Variants in TMEM266 observed in about 807,000 individuals in gnomAD.
The protein encoded by TMEM266 is transmembrane protein 266.
Under a neutral mutation model 50.5 loss-of-function variants are expected in TMEM266, and 33 were observed. That is an observed-to-expected ratio of 0.65 (90% CI 0.50 to 0.87). TMEM266 has a LOEUF of 0.87. Ranked by LOEUF, TMEM266 falls within the 40% of genes least tolerant of loss-of-function variation. TMEM266 has a pLI of 0.00. For missense variants in TMEM266, 655 were observed against 695.1 expected (o/e 0.94, Z 0.65); for synonymous variants, 310 against 292.3 (o/e 1.06, Z -0.62).
intron 7 of TMEM266, among the ~76,000 whole-genome samples, chr15:76,171,401 G>C (rs916194480): frequency 1.3e-4 from 20 of 152,278 alleles, no homozygotes; most frequent in African/African-American, 4.6e-4. Flanking sequence ...TGTGAGCCTG[G>C]GGGGGCCAGC....
chr15:76,183,185 G>A (rs964369586), intron 8 of TMEM266, among the ~76,000 whole-genome samples: 12 of 130,236 alleles, frequency 9.2e-5, no homozygotes, highest in South Asian at 2.6e-4. Context: ...ACATGATCTC[G>A]GCTCACTGCA....
intron 1 of TMEM266, among the ~76,000 whole-genome samples, chr15:76,082,333 T>G (rs2036707393): frequency 6.6e-6 from 1 of 152,206 alleles, no homozygotes; most frequent in African/African-American, 2.4e-5. Flanking sequence ...TGCATGACAC[T>G]GGTATCTGCT....
At chr15:76,104,743 G>C (rs2037056401) in intron 1 of TMEM266, among the ~76,000 whole-genome samples, 1 of 152,192 alleles carries the variant, frequency 6.6e-6, no homozygotes, top group Non-Finnish European at 1.5e-5. Flanking sequence ...GGATGTGTGA[G>C]GAGAGGGGAG....
intron 1 of TMEM266, among the ~76,000 whole-genome samples, chr15:76,109,579 T>C (rs1032962962): frequency 1.3e-5 from 2 of 152,226 alleles, no homozygotes; most frequent in Admixed American, 6.5e-5. Flanking sequence ...GGAGGATCGC[T>C]TGAGCCCAGG....
intron 1 of TMEM266, among the ~76,000 whole-genome samples, chr15:76,099,596 G>A (rs1023958684): frequency 2.0e-5 from 3 of 152,150 alleles, no homozygotes; most frequent in Non-Finnish European, 2.9e-5. Flanking sequence ...GTGAAGAGGC[G>A]AAGTAGCCTG....
chr15:76,093,115 T>TTTTA (rs956645976), intron 1 of TMEM266, among the ~76,000 whole-genome samples: 17 of 151,754 alleles, frequency 1.1e-4, no homozygotes, highest in South Asian at 2.1e-4. Context: ...CAGGTGCTAT[T>TTTTA]TTTATTTATT....
intron 9 of TMEM266, among the ~76,000 whole-genome samples, chr15:76,193,763 C>T (rs1455516236): frequency 6.6e-6 from 1 of 152,238 alleles, no homozygotes; most frequent in Non-Finnish European, 1.5e-5. Context: ...TCCCCTGCCC[C>T]TGCCTCCCCA....
chr15:76,130,495 G>A (rs1174383552), intron 1 of TMEM266, among the ~76,000 whole-genome samples: 4 of 152,334 alleles, frequency 2.6e-5, no homozygotes, highest in South Asian at 2.1e-4. Flanking sequence ...AGCCAAGATC[G>A]CGCCAGCGCA....
intron 8 of TMEM266, among the ~76,000 whole-genome samples, chr15:76,187,469 A>T (rs2038504374): frequency 6.6e-6 from 1 of 152,190 alleles, no homozygotes; most frequent in African/African-American, 2.4e-5. Context: ...CCCCCAGCAG[A>T]GCTTGGGAGG....
chr15:76,149,570 T>C (rs966581806), intron 3 of TMEM266, among the ~76,000 whole-genome samples: 1 of 152,244 alleles, frequency 6.6e-6, no homozygotes, highest in African/African-American at 2.4e-5. Flanking sequence ...TTTTTAATAT[T>C]TTTAAATTTC....
intron 1 of TMEM266, among the ~76,000 whole-genome samples, chr15:76,069,379 C>G (rs1434869462): frequency 2.0e-5 from 3 of 152,096 alleles, no homozygotes; most frequent in Admixed American, 1.3e-4. Context: ...TTGCTCTTCT[C>G]TTTGGTTGAG....
intron 9 of TMEM266, among the ~76,000 whole-genome samples, chr15:76,199,316 A>T (rs888459121): frequency 6.6e-6 from 1 of 152,186 alleles, no homozygotes; most frequent in African/African-American, 2.4e-5. Flanking sequence ...CTCAGGAGGG[A>T]TGTCTGGGCT....
chr15:76,159,415 T>C (rs2037979688), intron 4 of TMEM266, among the ~76,000 whole-genome samples: 1 of 152,150 alleles, frequency 6.6e-6, no homozygotes, highest in African/African-American at 2.4e-5. Context: ...GGCTGATGGC[T>C]GTCCTCACTC....
intron 3 of TMEM266, among the ~76,000 whole-genome samples, chr15:76,140,756 G>A (rs766079399): frequency 3.3e-4 from 50 of 151,872 alleles, no homozygotes; most frequent in Non-Finnish European, 5.7e-4. Context: ...AGACGGGGGC[G>A]GGGCATGCTA....
At chr15:76,110,282 C>T (rs550041222) in intron 1 of TMEM266, among the ~76,000 whole-genome samples, 2 of 152,110 alleles carry the variant, frequency 1.3e-5, no homozygotes, top group African/African-American at 2.4e-5. Flanking sequence ...GGATTACAGG[C>T]ATAAGCCACC....
chr15:76,142,140 G>C (rs1596130899), intron 3 of TMEM266, among the ~76,000 whole-genome samples: 1 of 152,216 alleles, frequency 6.6e-6, no homozygotes, highest in Admixed American at 6.5e-5. Flanking sequence ...TGTAATCCCA[G>C]CACTTTGGGA....
At position 76,204,106 on chromosome 15, in the gene TMEM266, C is replaced by A. The variant is rs375411507; in HGVS notation, c.1387C>A (p.Leu463Ile). The A allele has an allele frequency of 8.1e-6, 13 of 1,612,778 alleles. No homozygotes were observed. The highest frequency in any genetic ancestry group is 1.1e-5 in the Non-Finnish European group (13 of 1,179,658). ...CCAGAAGGCCTTGGACCCAGCCCCC[C>A]TCGCCCGGCCCAGCCCAGCGGGCTC... The change falls in exon 11 of 11, where the codon CTC (leucine) becomes ATC (isoleucine). Residue 463 changes from leucine (L) to isoleucine (I), a missense_variant. By Grantham distance (5) the Leu-to-Ile change is conservative (BLOSUM62 2). Transcript: ENST00000388942.
Position 76,203,792 on chromosome 15 carries a change from A to C in TMEM266, c.1073A>C (p.Asp358Ala), listed in dbSNP as rs766796985. Residue 358 changes from aspartate to alanine, a missense_variant, in exon 11 of 11, where the codon GAC (aspartate) becomes GCC (alanine). Transcript: ENST00000388942. Reference sequence around the variant, plus strand: ...TGTATGGTCACCACGGCCGCAATAGACATTCACCAGCCCAACATCTCCTCG... The same window carrying C: ...TGTATGGTCACCACGGCCGCAATAGCCATTCACCAGCCCAACATCTCCTCG... The C allele has an allele frequency of 4.3e-6, 7 of 1,613,984 alleles. No homozygotes were observed. The East Asian group carries it at 1.6e-4, about 36-fold the overall frequency.
At chr15:76,064,317 A>C (rs2036369351) in intron 1 of TMEM266, among the ~76,000 whole-genome samples, 1 of 152,160 alleles carries the variant, frequency 6.6e-6, no homozygotes, top group African/African-American at 2.4e-5. Context: ...CTGCCAAAGC[A>C]CTTACCCCAT....
Sources: gnomAD v4.1 joint callset for allele counts (sites outside exome capture counted in the v4.1 genomes callset) on GRCh38, gnomAD v4.1.1 for gene constraint, MANE v1.5 for transcripts, NCBI Gene and HGNC (gene_info 2026-07-23, HGNC 2026-07-21) for gene names.